RERE: variants seen among roughly 807,000 people sequenced by gnomAD.
RERE encodes arginine-glutamic acid dipeptide repeats, also known as arginine-glutamic acid dipeptide repeats protein.
In RERE, 40 loss-of-function variants were observed where a neutral mutation model predicts 146.1. That is an observed-to-expected ratio of 0.27 (90% CI 0.21 to 0.36). The LOEUF is 0.36. RERE is among the 10% of genes least tolerant of loss of function. RERE has a pLI of 1.00. For synonymous variants in RERE, 1,003 were observed against 866.0 expected (o/e 1.16, Z -2.78); for missense variants, 1,933 against 2,138.7 (o/e 0.90, Z 1.90).
At chr1:8,450,368 C>T (rs1644376342) in intron 11 of RERE, among the ~76,000 whole-genome samples, 1 of 151,986 alleles carries the variant, frequency 6.6e-6, no homozygotes, top group Non-Finnish European at 1.5e-5. Flanking sequence ...AGAAGCACAG[C>T]ACCCAGCAGA....
intron 1 of RERE, among the ~76,000 whole-genome samples, chr1:8,759,541 G>A (rs1640709626): frequency 6.6e-6 from 1 of 152,144 alleles, no homozygotes; most frequent in Non-Finnish European, 1.5e-5. Context: ...AGAAAAAACA[G>A]AACGAAAACT....
intron 7 of RERE, among the ~76,000 whole-genome samples, chr1:8,518,797 G>A (rs538224673): frequency 6.6e-6 from 1 of 152,232 alleles, no homozygotes; most frequent in East Asian, 1.9e-4. Context: ...TGCGAATGTT[G>A]TATTCTATCC....
chr1:8,445,910 G>A (rs2124034788), intron 11 of RERE, among the ~76,000 whole-genome samples: 1 of 150,500 alleles, frequency 6.6e-6, no homozygotes, highest in East Asian at 2.0e-4. Flanking sequence ...ACTTACGAGT[G>A]AGAACATGTG....
intron 10 of RERE, among the ~76,000 whole-genome samples, chr1:8,489,873 A>T (rs1355110545): frequency 8.6e-5 from 13 of 151,540 alleles, no homozygotes; most frequent in Admixed American, 8.6e-4. Flanking sequence ...ACACAGTGAA[A>T]CCCCATCTCT....
chr1:8,416,577 C>G lies in RERE; in HGVS notation c.1284+6150G>C, dbSNP rs1643777252. Among the ~76,000 whole-genome samples the G allele has an allele frequency of 2.6e-5, 3 of 116,322 alleles. No individual in the cohort carries two copies. In the Admixed American group the frequency reaches 2.9e-4, roughly 11 times the overall value. The allele number at this position is 116,322 out of a possible 152,430, so 76.3% of individuals were successfully genotyped here. Reference sequence around the variant, plus strand: ...CTCCAGCCTGGGCGACAGAGCGAGACTCCATCTCCAAAAAAAAAAAAAAAA... The same window carrying G: ...CTCCAGCCTGGGCGACAGAGCGAGAGTCCATCTCCAAAAAAAAAAAAAAAA... On this transcript the variant is annotated intron_variant, in intron 12 of 22. Coordinates refer to ENST00000400908, the MANE Select transcript of RERE (RefSeq NM_001042681.2).
intron 1 of RERE, among the ~76,000 whole-genome samples, chr1:8,753,125 A>G (rs1640571581): frequency 6.6e-6 from 1 of 152,192 alleles, no homozygotes; most frequent in Admixed American, 6.5e-5. Flanking sequence ...ATCTCTCTCC[A>G]GTATAATCTT....
chr1:8,421,435 C>A (rs1557623706), intron 12 of RERE, among the ~76,000 whole-genome samples: 4 of 152,142 alleles, frequency 2.6e-5, no homozygotes. Flanking sequence ...CATAATACAT[C>A]TTAGTTTAAT....
intron 7 of RERE, among the ~76,000 whole-genome samples, chr1:8,538,284 C>A (rs1179579603): frequency 6.6e-6 from 1 of 152,198 alleles, no homozygotes; most frequent in African/African-American, 2.4e-5. Flanking sequence ...GTAGCCACGA[C>A]TACTTACTAG....
chr1:8,441,713 T>A (rs1373783450), intron 11 of RERE, among the ~76,000 whole-genome samples: 3 of 152,198 alleles, frequency 2.0e-5, no homozygotes, highest in Non-Finnish European at 4.4e-5. Flanking sequence ...ATCATTCCCA[T>A]CTACTTACTC....
intron 10 of RERE, among the ~76,000 whole-genome samples, chr1:8,476,905 C>T (rs1644764027): frequency 6.6e-6 from 1 of 151,926 alleles, no homozygotes; most frequent in Non-Finnish European, 1.5e-5. Context: ...GAATATTCTT[C>T]TAAAAAGGAA....
intron 7 of RERE, among the ~76,000 whole-genome samples, chr1:8,519,422 G>GA (rs1318100609): frequency 6.6e-6 from 1 of 152,118 alleles, no homozygotes; most frequent in Non-Finnish European, 1.5e-5. Context: ...AACAGAGCAA[G>GA]ACCCTGTCGC....
At chr1:8,658,567 C>T (rs952047880) in intron 1 of RERE, among the ~76,000 whole-genome samples, 1 of 152,018 alleles carries the variant, frequency 6.6e-6, no homozygotes, top group Non-Finnish European at 1.5e-5. Flanking sequence ...ACCATCCTGG[C>T]TAACACGGTG....
chr1:8,719,948 T>C (rs1242691313), intron 1 of RERE, among the ~76,000 whole-genome samples: 1 of 152,152 alleles, frequency 6.6e-6, no homozygotes, highest in East Asian at 1.9e-4. Flanking sequence ...TTCATTTTTG[T>C]ATTCCCAAAT....
intron 1 of RERE, among the ~76,000 whole-genome samples, chr1:8,675,738 T>TATACATACATACATATATACATAC (rs1638825180): frequency 6.8e-6 from 1 of 147,780 alleles, no homozygotes; most frequent in African/African-American, 2.5e-5. Flanking sequence ...TACATACATA[T>TATACATACATACATATATACATAC]ATACATACAT....
At chr1:8,760,748 T>C (rs1328223353) in intron 1 of RERE, among the ~76,000 whole-genome samples, 2 of 152,164 alleles carry the variant, frequency 1.3e-5, no homozygotes, top group South Asian at 2.1e-4. Context: ...CCAGCCAGTG[T>C]CAGTTATGCT....
At chr1:8,805,016 T>G (rs1279344077) in intron 1 of RERE, among the ~76,000 whole-genome samples, 4 of 142,512 alleles carry the variant, frequency 2.8e-5, no homozygotes, top group East Asian at 2.0e-4. Flanking sequence ...TGGTTTTTTT[T>G]TTTTTTTTTT....
chr1:8,743,208 C>A (rs1640346789), intron 1 of RERE, among the ~76,000 whole-genome samples: 1 of 151,904 alleles, frequency 6.6e-6, no homozygotes. Flanking sequence ...CCAACCTGGG[C>A]AACAAGGCAA....
chr1:8,763,195 T>C (rs1173132901), intron 1 of RERE, among the ~76,000 whole-genome samples: 1 of 152,196 alleles, frequency 6.6e-6, no homozygotes, highest in East Asian at 1.9e-4. Context: ...TTTGTTTTTG[T>C]ACAACTCTGC....
chr1:8,533,222 A>G (rs1056553464), intron 7 of RERE, among the ~76,000 whole-genome samples: 3 of 152,230 alleles, frequency 2.0e-5, no homozygotes, highest in Non-Finnish European at 2.9e-5. Context: ...ACAAGGTAGT[A>G]AAGGGTGGAC....
Sources: gnomAD v4.1 joint callset for allele counts (sites outside exome capture counted in the v4.1 genomes callset) on GRCh38, gnomAD v4.1.1 for gene constraint, MANE v1.5 for transcripts, NCBI Gene and HGNC (gene_info 2026-07-23, HGNC 2026-07-21) for gene names.